The following NHERF1 variants were observed in gnomAD, a reference collection of about 807,000 sequenced individuals.
NHERF1 encodes the protein Na(+)/H(+) exchange regulatory cofactor NHE-RF1.
At chr17:74,750,793 A>G in the NHERF1 span, among the ~76,000 whole-genome samples, 1 of 101,406 alleles carries the variant, frequency 9.9e-6, no homozygotes, top group Non-Finnish European at 1.8e-5. Context: ...CACAAGTTGC[A>G]GTCTCGTTCA....
the NHERF1 span, among the ~76,000 whole-genome samples, chr17:74,756,012 G>A: frequency 6.7e-6 from 1 of 148,544 alleles, no homozygotes; most frequent in Non-Finnish European, 1.5e-5. Context: ...GGAGTGCAGT[G>A]GTGCGATCTC....
chr17:74,764,141 T>G, the NHERF1 span, among the ~76,000 whole-genome samples: 2 of 152,246 alleles, frequency 1.3e-5, no homozygotes, highest in African/African-American at 4.8e-5. The surrounding 1 kb of genome is among the most constrained non-coding windows in gnomAD (Gnocchi z 4.9). Context: ...GGGTTAAGCA[T>G]GCTCTGCTCC....
the NHERF1 span, among the ~76,000 whole-genome samples, chr17:74,752,051 G>T: frequency 6.6e-6 from 1 of 152,214 alleles, no homozygotes; most frequent in Non-Finnish European, 1.5e-5. Flanking sequence ...GGCAGCTAGC[G>T]CTGGGTCAGC....
At chr17:74,768,233 G>A in the NHERF1 span, 2 of 1,612,096 alleles carry the variant, frequency 1.2e-6, no homozygotes, top group Non-Finnish European at 1.7e-6. Context: ...ACACCAGCGA[G>A]GAGGTAGGCC....
the NHERF1 span, among the ~76,000 whole-genome samples, chr17:74,753,309 G>C: frequency 6.6e-6 from 1 of 152,190 alleles, no homozygotes; most frequent in Non-Finnish European, 1.5e-5. Context: ...CAGAGTCAGA[G>C]TGCAGGCACC....
the NHERF1 span, chr17:74,762,058 G>A: frequency 1.2e-5 from 19 of 1,614,016 alleles, no homozygotes; most frequent in Admixed American, 3.2e-4. The surrounding 1 kb of genome is among the most constrained non-coding windows in gnomAD (Gnocchi z 4.2). Context: ...GGCCCCAGTG[G>A]CTATGGCTTC....
the NHERF1 span, among the ~76,000 whole-genome samples, chr17:74,759,727 C>T: frequency 2.0e-5 from 3 of 152,266 alleles, no homozygotes; most frequent in Non-Finnish European, 4.4e-5. Flanking sequence ...TGCTGCCTGA[C>T]TCCTGTTGGG....
At chr17:74,748,843 C>A in the NHERF1 span, 1 of 1,589,720 alleles carries the variant, frequency 6.3e-7, no homozygotes, top group East Asian at 2.2e-5. This position sits in a 1 kb window ranked among gnomAD's most constrained non-coding sequence, Gnocchi z 4.3. Flanking sequence ...CGTCGCAGGG[C>A]GAGATGAGCG....
the NHERF1 span, chr17:74,768,143 C>T: frequency 5.0e-6 from 8 of 1,603,734 alleles, no homozygotes; most frequent in South Asian, 8.8e-5. Flanking sequence ...CTCCTCTCTG[C>T]CAGGAGAACA....
the NHERF1 span, chr17:74,763,472 G>A: frequency 3.8e-5 from 62 of 1,611,814 alleles, no homozygotes; most frequent in Middle Eastern, 3.3e-4. Flanking sequence ...GGAAACTGAC[G>A]AGTTCTTCAA....
At chr17:74,761,918 T>A in the NHERF1 span, 45 of 1,378,762 alleles carry the variant, frequency 3.3e-5, no homozygotes, top group Non-Finnish European at 4.3e-5. This position sits in a 1 kb window ranked among gnomAD's most constrained non-coding sequence, Gnocchi z 4.3. Flanking sequence ...CTCCCAAACC[T>A]TCCTTGGTTG....
At chr17:74,762,054 A>G in the NHERF1 span, 2 of 1,614,156 alleles carry the variant, frequency 1.2e-6, no homozygotes, top group African/African-American at 1.3e-5. This position sits in a 1 kb window ranked among gnomAD's most constrained non-coding sequence, Gnocchi z 4.2. Flanking sequence ...GAAGGGCCCC[A>G]GTGGCTATGG....
the NHERF1 span, chr17:74,768,473 T>G: frequency 2.5e-6 from 4 of 1,613,882 alleles, no homozygotes; most frequent in Middle Eastern, 1.6e-4. Context: ...TACAGCTGAA[T>G]TCCCAAGACA....
the NHERF1 span, chr17:74,768,433 G>A: frequency 6.2e-7 from 1 of 1,611,216 alleles, no homozygotes; most frequent in Non-Finnish European, 8.5e-7. Flanking sequence ...ATGAGGGACT[G>A]ACTCCCAACT....
chr17:74,753,841 G>C, the NHERF1 span, among the ~76,000 whole-genome samples: 2 of 151,988 alleles, frequency 1.3e-5, no homozygotes, highest in Non-Finnish European at 2.9e-5. Context: ...CCCTGGGAAA[G>C]TGGGGTGGGA....
the NHERF1 span, chr17:74,762,197 A>G: frequency 1.9e-6 from 3 of 1,612,710 alleles, no homozygotes; most frequent in Non-Finnish European, 1.7e-6. This position sits in a 1 kb window ranked among gnomAD's most constrained non-coding sequence, Gnocchi z 4.2. Flanking sequence ...CTCTCTTCCT[A>G]TCTGACTGCC....
chr17:74,758,247 C>T, the NHERF1 span, among the ~76,000 whole-genome samples: 2 of 152,172 alleles, frequency 1.3e-5, no homozygotes, highest in Non-Finnish European at 2.9e-5. The surrounding 1 kb of genome is among the most constrained non-coding windows in gnomAD (Gnocchi z 4.3). Context: ...CCCTGGACTG[C>T]GTGGGTGGAG....
chr17:74,748,632 G>C, the NHERF1 span: 1 of 498,596 alleles, frequency 2.0e-6, no homozygotes, highest in Non-Finnish European at 3.5e-6. This position sits in a 1 kb window ranked among gnomAD's most constrained non-coding sequence, Gnocchi z 4.3. Context: ...ACGCTCAGAC[G>C]CCGCGCGGGG....
the NHERF1 span, among the ~76,000 whole-genome samples, chr17:74,761,545 G>C: frequency 3.3e-5 from 5 of 152,180 alleles, no homozygotes; most frequent in Non-Finnish European, 7.3e-5. The surrounding 1 kb of genome is among the most constrained non-coding windows in gnomAD (Gnocchi z 4.3). Flanking sequence ...CTGCTGCAGA[G>C]AACGGGGTAC....
Sources: gnomAD v4.1 joint callset for allele counts (sites outside exome capture counted in the v4.1 genomes callset) on GRCh38, gnomAD v4.1.1 for gene constraint, Gnocchi (gnomAD v3.1) non-coding constraint, MANE v1.5 for transcripts, NCBI Gene and HGNC (gene_info 2026-07-23, HGNC 2026-07-21) for gene names.